The following GABRG3 variants were observed in gnomAD, a reference collection of about 807,000 sequenced individuals.
The protein encoded by GABRG3 is gamma-aminobutyric acid receptor subunit gamma-3.
GABRG3 carries 25 observed loss-of-function variants against 48.8 expected under a neutral mutation model. The observed-to-expected ratio is 0.51, with a 90% CI of 0.37 to 0.72. The LOEUF is 0.72. GABRG3 is among the 30% of genes least tolerant of loss of function. The pLI, the probability that GABRG3 is intolerant of heterozygous loss-of-function variation, is 0.00. For missense variants in GABRG3, 394 were observed against 577.9 expected, an observed-to-expected ratio of 0.68 and a Z score of 3.26; for synonymous variants, 227 against 217.6, an observed-to-expected ratio of 1.04 and a Z score of -0.38.
At chr15:27,520,235 G>C (rs1891127153) in intron 7 of GABRG3, 111 bp downstream of exon 7, 1 of 1,110,016 alleles carries the variant, frequency 9.0e-7, no homozygotes, top group East Asian at 2.6e-5. Flanking sequence ...TCTCATTTGA[G>C]GGTGACTTGA....
At chr15:27,414,546 G>C (rs924863986) in intron 5 of GABRG3, among the ~76,000 whole-genome samples, 1 of 152,152 alleles carries the variant, frequency 6.6e-6, no homozygotes, top group Non-Finnish European at 1.5e-5. Context: ...TACAGATGGG[G>C]AACTCAAAGG....
At chr15:27,110,592 T>G (rs1897531518) in intron 3 of GABRG3, among the ~76,000 whole-genome samples, 2 of 150,252 alleles carry the variant, frequency 1.3e-5, no homozygotes, top group African/African-American at 4.9e-5. Flanking sequence ...ATTTTTTTTT[T>G]GTCTGAGGAA....
chr15:27,191,771 A>T (rs886761446), intron 3 of GABRG3, among the ~76,000 whole-genome samples: 1 of 151,374 alleles, frequency 6.6e-6, no homozygotes, highest in African/African-American at 2.4e-5. Flanking sequence ...TGTCATTATG[A>T]TGTTAGCTGG....
At chr15:27,250,369 C>T (rs1890415369) in intron 3 of GABRG3, among the ~76,000 whole-genome samples, 1 of 152,230 alleles carries the variant, frequency 6.6e-6, no homozygotes, top group South Asian at 2.1e-4. Flanking sequence ...TCCTCAGCAG[C>T]ACTGGCTGCA....
At chr15:26,985,910 G>A (rs1346210180) in intron 2 of GABRG3, among the ~76,000 whole-genome samples, 1 of 152,178 alleles carries the variant, frequency 6.6e-6, no homozygotes, top group Non-Finnish European at 1.5e-5. Flanking sequence ...AAGTACAAAT[G>A]CCACAGTGTA....
chr15:27,440,621 T>G (rs1292093893), intron 5 of GABRG3, among the ~76,000 whole-genome samples: 2 of 152,224 alleles, frequency 1.3e-5, no homozygotes, highest in Non-Finnish European at 2.9e-5. Context: ...CCAGGCACGA[T>G]CAACCATACT....
intron 5 of GABRG3, among the ~76,000 whole-genome samples, chr15:27,422,056 A>G (rs890778475): frequency 4.6e-5 from 7 of 151,378 alleles, no homozygotes; most frequent in Middle Eastern, 3.4e-3. Flanking sequence ...TAAGATATCC[A>G]TGGGAGTGGG....
chr15:27,001,504 C>T (rs1056706339), intron 2 of GABRG3, among the ~76,000 whole-genome samples: 1 of 152,212 alleles, frequency 6.6e-6, no homozygotes, highest in Non-Finnish European at 1.5e-5. Context: ...TGCAGGTTAG[C>T]ATTTGTGGAT....
At position 26,971,583 on chromosome 15, in the gene GABRG3, C is replaced by T; in HGVS notation, c.48C>T (p.His16=). 2 of 1,528,830 alleles carry T rather than the reference C, an allele frequency of 1.3e-6. No homozygotes were observed. The highest frequency in any genetic ancestry group is 1.2e-5 in the South Asian group (1 of 81,850). 94.7% of individuals were successfully genotyped at this position (1,528,830 alleles called of 1,614,324 possible). The part of the protein sequence containing the change: ...LLLLCLFSGL[H]ARSRKVEEDE... ...TCCTCTGCCTGTTCTCGGGCTTGCA[C>T]GCGCGGTAAGTGGCGCGGGGGCCGC... The change falls in exon 1 of 10, where the codon CAC becomes CAT. Residue 16 remains histidine, a synonymous_variant. Transcript: ENST00000615808.
intron 3 of GABRG3, among the ~76,000 whole-genome samples, chr15:27,172,234 G>A (rs1887595778): frequency 2.6e-5 from 4 of 152,306 alleles, no homozygotes; most frequent in Admixed American, 2.0e-4. Flanking sequence ...GACGGGGCTA[G>A]GACAGTGTGG....
chr15:27,412,245 A>G (rs761108567), intron 5 of GABRG3, among the ~76,000 whole-genome samples: 6 of 152,124 alleles, frequency 3.9e-5, no homozygotes, highest in Non-Finnish European at 8.8e-5. Context: ...GCAAAAGGAT[A>G]GTACAATACC....
intron 3 of GABRG3, among the ~76,000 whole-genome samples, chr15:27,196,831 G>GA (rs530941399): frequency 5.2e-4 from 79 of 152,334 alleles, no homozygotes; most frequent in African/African-American, 1.9e-3. Context: ...TTGTTGTGAA[G>GA]CCTAAAGAAG....
intron 3 of GABRG3, among the ~76,000 whole-genome samples, chr15:27,137,087 G>C (rs1435962764): frequency 6.6e-6 from 1 of 152,200 alleles, no homozygotes; most frequent in East Asian, 1.9e-4. Context: ...AAGGTTCCCT[G>C]TTATCTTAAT....
intron 3 of GABRG3, among the ~76,000 whole-genome samples, chr15:27,029,428 G>A (rs1896041331): frequency 7.8e-6 from 1 of 127,446 alleles, no homozygotes; most frequent in Non-Finnish European, 1.7e-5. Context: ...GCAAGGATTT[G>A]TTTAAAATGC....
intron 7 of GABRG3, among the ~76,000 whole-genome samples, chr15:27,524,168 A>G (rs916920837): frequency 2.0e-5 from 3 of 152,100 alleles, no homozygotes; most frequent in Non-Finnish European, 4.4e-5. Flanking sequence ...GAAAAAACAA[A>G]TTGAATGACA....
chr15:27,345,806 C>A (rs1383247299), intron 5 of GABRG3, among the ~76,000 whole-genome samples: 1 of 152,052 alleles, frequency 6.6e-6, no homozygotes, highest in Non-Finnish European at 1.5e-5. Context: ...GTAATCCCAG[C>A]ACTTTGGGAG....
At chr15:27,324,456 C>G (rs1434132252) in intron 3 of GABRG3, among the ~76,000 whole-genome samples, 5 of 152,150 alleles carry the variant, frequency 3.3e-5, no homozygotes. Context: ...GGTGGGGCCC[C>G]TGAGGTATGT....
At chr15:27,304,367 A>G (rs1310887217) in intron 3 of GABRG3, among the ~76,000 whole-genome samples, 1 of 152,062 alleles carries the variant, frequency 6.6e-6, no homozygotes, top group African/African-American at 2.4e-5. Flanking sequence ...ATCACAGGAT[A>G]CAAGATCAGC....
Position 27,091,199 on chromosome 15 carries a change from A to G in GABRG3, c.270+64378A>G, listed in dbSNP as rs370506110. On this transcript the variant is annotated intron_variant, in intron 3 of 9. Transcript: ENST00000615808. ...TGAGTTAATTTTTCATCATTAACAG[A>G]TACTGTATTTTGTGAGTTCCTTTTT... 2.1e-4 allele frequency among the ~76,000 whole-genome samples: 32 copies of G among 152,308 alleles called. 1 individual carries two copies. The East Asian group carries it at 5.8e-3, about 28-fold the overall frequency.
Sources: allele counts gnomAD v4.1 joint callset (sites outside exome capture counted in the v4.1 genomes callset), GRCh38; gene constraint gnomAD v4.1.1; transcripts MANE v1.5; gene names NCBI Gene and HGNC (gene_info 2026-07-23, HGNC 2026-07-21).